CACNA1C: variants seen among roughly 807,000 people sequenced by gnomAD.
CACNA1C encodes the protein calcium voltage-gated channel subunit alpha1 C.
In CACNA1C, 30 loss-of-function variants were observed where a neutral mutation model predicts 229.0. The ratio of observed to expected loss-of-function variants is 0.13; its 90% CI spans 0.10 to 0.18. CACNA1C has a LOEUF of 0.18. Among genes scored for constraint, CACNA1C ranks in the 10% least tolerant of loss-of-function variants. The probability of loss-of-function intolerance (pLI) is 1.00; values close to 1 mark genes in which losing one functional copy is unlikely to be tolerated. For missense variants in CACNA1C, 1,658 were observed against 2,845.0 expected (o/e 0.58, Z 9.49); for synonymous variants, 1,114 against 1,132.5 (o/e 0.98, Z 0.33).
In CACNA1C at chr12:2,512,123, T is replaced by A. The variant is rs1490875403; in HGVS notation, c.1218-689T>A. Among the ~76,000 whole-genome samples the A allele has an allele frequency of 2.6e-5, 4 of 152,106 alleles. No homozygotes were observed. The highest frequency in any genetic ancestry group is 4.4e-5 in the Non-Finnish European group (3 of 68,030). On this transcript the variant is annotated intron_variant, in intron 8 of 46. Transcript: ENST00000399655. The surrounding 1 kb of genome is among the most constrained non-coding windows in gnomAD (Gnocchi z 4.3). Reference sequence around the variant, plus strand: ...AAGAATAGAGATTGAGGACATTAAATCTCCTGGGTCCCAAATCAGTGGTAT... The same window carrying A: ...AAGAATAGAGATTGAGGACATTAAAACTCCTGGGTCCCAAATCAGTGGTAT...
intron 1 of CACNA1C, among the ~76,000 whole-genome samples, chr12:2,086,518 A>C (rs1440284882): frequency 6.6e-6 from 1 of 152,136 alleles, no homozygotes; most frequent in African/African-American, 2.4e-5. Flanking sequence ...ATCCTGTATT[A>C]GTTAGGGAAG....
intron 3 of CACNA1C, among the ~76,000 whole-genome samples, chr12:2,396,422 T>C (rs978635741): frequency 2.0e-5 from 3 of 152,206 alleles, no homozygotes; most frequent in African/African-American, 7.2e-5. Context: ...GATTTTTCTC[T>C]TTCTGTGGTT....
At chr12:2,505,436 T>C (rs1303333163) in intron 8 of CACNA1C, among the ~76,000 whole-genome samples, 2 of 152,236 alleles carry the variant, frequency 1.3e-5, no homozygotes, top group Non-Finnish European at 2.9e-5. Context: ...CAATTTCCTC[T>C]AACTTTATAT....
chr12:1,988,506 C>G (rs187180477), intron 1 of CACNA1C, among the ~76,000 whole-genome samples: 230 of 152,290 alleles, frequency 1.5e-3, no homozygotes, highest in Non-Finnish European at 2.5e-3. Context: ...GATAAATAAC[C>G]CTCTGTGAGG....
At chr12:2,072,429 A>G (rs975781697) in intron 1 of CACNA1C, among the ~76,000 whole-genome samples, 1 of 152,034 alleles carries the variant, frequency 6.6e-6, no homozygotes, top group African/African-American at 2.4e-5. Context: ...CAAACTCCTG[A>G]GGTCAGGCAA....
rs370073063 is a variant in CACNA1C, at chr12:2,094,219, T to A, written c.50-21005T>A. ...ATCCCACTCCACAATCTGAAGTGCATCCCCAAGGGTTAGGGAGAGCAGCTT... is the reference window on the plus strand; with the variant it reads ...ATCCCACTCCACAATCTGAAGTGCAACCCCAAGGGTTAGGGAGAGCAGCTT... On this transcript the variant is annotated intron_variant, in intron 1 of 46. Transcript: ENST00000399655. Among the ~76,000 whole-genome samples the A allele has an allele frequency of 5.9e-5, 9 of 152,246 alleles. 1 individual carries two copies. In the South Asian group the frequency reaches 1.9e-3, roughly 32 times the overall value.
chr12:2,429,736 C>T (rs1264804009), intron 3 of CACNA1C, among the ~76,000 whole-genome samples: 1 of 152,102 alleles, frequency 6.6e-6, no homozygotes, highest in Non-Finnish European at 1.5e-5. Context: ...TGATAGATAC[C>T]AGTCCCTCTG....
chr12:2,424,445 A>G (rs1417906249), intron 3 of CACNA1C, among the ~76,000 whole-genome samples: 1 of 151,918 alleles, frequency 6.6e-6, no homozygotes, highest in Non-Finnish European at 1.5e-5. Flanking sequence ...TTCACCCAGC[A>G]TGAGACAGAT....
chr12:2,290,236 T>G (rs1347646404), intron 3 of CACNA1C, among the ~76,000 whole-genome samples: 1 of 152,184 alleles, frequency 6.6e-6, no homozygotes, highest in East Asian at 1.9e-4. Flanking sequence ...GGCCAGCGCC[T>G]GCCTTGCTTC....
chr12:1,985,687 T>A (rs1367428581), intron 1 of CACNA1C, among the ~76,000 whole-genome samples: 3 of 152,186 alleles, frequency 2.0e-5, no homozygotes, highest in Non-Finnish European at 4.4e-5. Flanking sequence ...AGACTCAGAG[T>A]CCTCTTGAAA....
intron 3 of CACNA1C, among the ~76,000 whole-genome samples, chr12:2,303,379 G>A (rs1288720447): frequency 1.3e-5 from 2 of 152,124 alleles, no homozygotes; most frequent in Admixed American, 6.5e-5. Context: ...CCCTCTGTGC[G>A]TCCGTGTTCA....
rs1177227894 is a variant in CACNA1C at position 2,649,271 on chromosome 12, C to A, written c.3945+764C>A. On this transcript the variant is annotated intron_variant, in intron 31 of 46. Coordinates refer to ENST00000399655, the MANE Select transcript of CACNA1C (RefSeq NM_000719.7). This position sits in a 1 kb window ranked among gnomAD's most constrained non-coding sequence, Gnocchi z 4.4. The stretch of plus-strand genomic sequence containing the variant: ...GACCTTGAAGCCTCCTTGGCCCAGC[C>A]GCCTCCAAAAGGCTGCCGTTATGCA... 6.6e-6 allele frequency among the ~76,000 whole-genome samples: 1 copy of A among 152,194 alleles called. No homozygotes were observed. The highest frequency in any genetic ancestry group is 1.9e-4 in the East Asian group (1 of 5,194).
At chr12:2,579,419 G>C (rs920376438) in intron 13 of CACNA1C, among the ~76,000 whole-genome samples, 1 of 152,042 alleles carries the variant, frequency 6.6e-6, no homozygotes, top group Non-Finnish European at 1.5e-5. Context: ...AACTCCCAGT[G>C]TATTGGCAGG....
At position 2,596,851 on chromosome 12, in the gene CACNA1C, C is replaced by T. The variant is rs543223837; in HGVS notation, c.2794-379C>T. On this transcript the variant is annotated intron_variant, in intron 20 of 46. Transcript: ENST00000399655. ...TTGAATCTCCCTGCAAAAAGACAAA[C>T]CCCATTCTCTGTCCTTTTGACAAGT... Among the ~76,000 whole-genome samples the T allele has an allele frequency of 5.3e-5, 8 of 152,298 alleles. No homozygotes were observed. The East Asian group carries it at 1.4e-3, about 26-fold the overall frequency.
intron 9 of CACNA1C, among the ~76,000 whole-genome samples, chr12:2,546,678 G>A (rs1017588702): frequency 1.6e-4 from 25 of 152,210 alleles, no homozygotes; most frequent in African/African-American, 5.3e-4. Flanking sequence ...AGCTGTAGCC[G>A]AGACCCAGCA....
At chr12:2,298,577 A>G (rs947883120) in intron 3 of CACNA1C, among the ~76,000 whole-genome samples, 1 of 152,082 alleles carries the variant, frequency 6.6e-6, no homozygotes, top group Non-Finnish European at 1.5e-5. Flanking sequence ...GATTACAGGC[A>G]TGAGCCACCG....
At chr12:2,056,186 AGTGTGTGTGAGTGTGTGTGT>A (rs909059882) in intron 1 of CACNA1C, among the ~76,000 whole-genome samples, 7 of 103,478 alleles carry the variant, frequency 6.8e-5, no homozygotes, top group Admixed American at 1.1e-4. Flanking sequence ...TGCATGTGTG[AGTGTGTGTGAGTGTGTGTGT>A]GTGTGTGTGT....
chr12:2,518,078 G>C (rs2099801179), intron 9 of CACNA1C, among the ~76,000 whole-genome samples: 2 of 152,212 alleles, frequency 1.3e-5, no homozygotes, highest in Non-Finnish European at 2.9e-5. Context: ...ATGGTATCGA[G>C]TTATGTGACT....
At chr12:2,341,995 C>T (rs946466635) in intron 3 of CACNA1C, among the ~76,000 whole-genome samples, 3 of 152,190 alleles carry the variant, frequency 2.0e-5, no homozygotes, top group Non-Finnish European at 2.9e-5. Context: ...TGCTTCGACC[C>T]AACCTCACGG....
Sources: allele counts gnomAD v4.1 joint callset (sites outside exome capture counted in the v4.1 genomes callset), GRCh38; gene constraint gnomAD v4.1.1; non-coding constraint Gnocchi (gnomAD v3.1); transcripts MANE v1.5; gene names NCBI Gene and HGNC (gene_info 2026-07-23, HGNC 2026-07-21).